HPSE2: variants seen among roughly 807,000 people sequenced by gnomAD.
HPSE2 encodes the protein inactive heparanase-2.
HPSE2 carries 38 observed loss-of-function variants against 60.5 expected under a neutral mutation model. That is an observed-to-expected ratio of 0.63 (90% CI 0.48 to 0.82). The LOEUF (loss-of-function observed/expected upper bound fraction) is 0.82. Ranked by LOEUF, HPSE2 falls within the 40% of genes least tolerant of loss-of-function variation. The probability of loss-of-function intolerance (pLI) is 0.00; values close to 1 mark genes in which losing one functional copy is unlikely to be tolerated. For missense variants in HPSE2, 713 were observed against 740.4 expected, an observed-to-expected ratio of 0.96 and a Z score of 0.43; for synonymous variants, 295 against 293.2, an observed-to-expected ratio of 1.01 and a Z score of -0.06.
intron 5 of HPSE2, among the ~76,000 whole-genome samples, chr10:98,697,488 C>T (rs113571785): frequency 0.073 from 11,146 of 152,214 alleles, 566 homozygotes; most frequent in South Asian, 0.19. Context: ...AACAAACCCT[C>T]TGGGAAATAT....
chr10:99,243,624 A>G, the HPSE2 span, among the ~76,000 whole-genome samples: 3 of 152,210 alleles, frequency 2.0e-5, no homozygotes, highest in Non-Finnish European at 4.4e-5. Flanking sequence ...TGAGAAAGCA[A>G]TGTATATAAA....
chr10:98,844,119 T>C (rs763545549), intron 3 of HPSE2, among the ~76,000 whole-genome samples: 23 of 152,190 alleles, frequency 1.5e-4, no homozygotes, highest in Non-Finnish European at 2.6e-4. Context: ...ACTTACCCTC[T>C]CTGGGCCTAA....
rs111648577 is a variant in HPSE2 at position 98,590,711 on chromosome 10, A to G, written c.1320+24193T>C. On this transcript the variant is annotated intron_variant, in intron 9 of 11. Transcript: ENST00000370552. ...CAACTTCCAATAGCTTTCCCACACC[A>G]GGAAAATGAAATTTATGATAAAGTA... Among the ~76,000 whole-genome samples, 757 of 152,258 alleles carry G rather than the reference A, an allele frequency of 5.0e-3. 4 individuals carry two copies. The highest frequency in any genetic ancestry group is 0.017 in the African/African-American group (725 of 41,536).
intron 3 of HPSE2, among the ~76,000 whole-genome samples, chr10:98,944,067 T>A: frequency 6.6e-6 from 1 of 152,050 alleles, no homozygotes; most frequent in East Asian, 1.9e-4. Flanking sequence ...AGGACCAAAA[T>A]CCCAGAGAGG....
At chr10:98,857,289 G>T (rs1952341592) in intron 3 of HPSE2, among the ~76,000 whole-genome samples, 1 of 152,132 alleles carries the variant, frequency 6.6e-6, no homozygotes, top group African/African-American at 2.4e-5. Flanking sequence ...ATAGACAGGA[G>T]TTCTTATCTG....
chr10:99,149,263 A>G (rs1229318367), intron 2 of HPSE2, among the ~76,000 whole-genome samples: 1 of 152,182 alleles, frequency 6.6e-6, no homozygotes, highest in African/African-American at 2.4e-5. Flanking sequence ...TGAAGGAGTA[A>G]GTTTCCCATC....
intron 3 of HPSE2, among the ~76,000 whole-genome samples, chr10:98,852,158 TG>T (rs1952196156): frequency 7.7e-6 from 1 of 130,032 alleles, no homozygotes; most frequent in Non-Finnish European, 1.6e-5. Context: ...TGTGTGTGTG[TG>T]TGTGTGTATA....
chr10:99,170,499 CA>C lies in HPSE2; in HGVS notation c.449-26101del, dbSNP rs201372095. Among the ~76,000 whole-genome samples, 17 of 152,274 alleles carry C rather than the reference CA, an allele frequency of 1.1e-4. No individual in the cohort carries two copies. The East Asian group carries it at 3.3e-3, about 29-fold the overall frequency. ...AGGCTGAACCCAGCAGCAGCCACAA[CA>C]AATCAGCATAAATCATTCATATGCT... On this transcript the variant is annotated intron_variant, in intron 2 of 11. Coordinates refer to ENST00000370552, the MANE Select transcript of HPSE2 (RefSeq NM_021828.5).
chr10:99,045,099 A>C (rs1350692292), intron 3 of HPSE2, among the ~76,000 whole-genome samples: 1 of 152,176 alleles, frequency 6.6e-6, no homozygotes, highest in Non-Finnish European at 1.5e-5. Context: ...TTCTAAGATG[A>C]ACCACATGCA....
rs1439584017 is a variant in HPSE2 at position 98,745,902 on chromosome 10, G to C, written c.611-1846C>G. Among the ~76,000 whole-genome samples the C allele has an allele frequency of 2.6e-5, 4 of 152,196 alleles. No homozygotes were observed. In the East Asian group the frequency reaches 7.7e-4, roughly 29 times the overall value. On this transcript the variant is annotated intron_variant, in intron 3 of 11. Coordinates refer to ENST00000370552, the MANE Select transcript of HPSE2 (RefSeq NM_021828.5). ...GCAGAGTGTCCAAGTTACCCCATTAGCAATTTTGTTATAGATCTTTTAGTC... is the reference window on the plus strand; with the variant it reads ...GCAGAGTGTCCAAGTTACCCCATTACCAATTTTGTTATAGATCTTTTAGTC...
At chr10:98,596,359 G>T (rs1364305118) in intron 9 of HPSE2, among the ~76,000 whole-genome samples, 1 of 151,822 alleles carries the variant, frequency 6.6e-6, no homozygotes, top group African/African-American at 2.4e-5. Context: ...TCATTTTAAA[G>T]ATATAAATGG....
intron 7 of HPSE2, among the ~76,000 whole-genome samples, chr10:98,627,983 A>G (rs1409228870): frequency 6.6e-6 from 1 of 152,244 alleles, no homozygotes; most frequent in Non-Finnish European, 1.5e-5. Context: ...CATTCTCAGC[A>G]CAGGGGTAAT....
At chr10:98,467,743 C>A (rs1178314391) in intron 11 of HPSE2, among the ~76,000 whole-genome samples, 1 of 152,266 alleles carries the variant, frequency 6.6e-6, no homozygotes, top group African/African-American at 2.4e-5. Flanking sequence ...GGGAGATGTG[C>A]CCTGCGCTTG....
At chr10:98,751,086 G>C (rs575926447) in intron 3 of HPSE2, among the ~76,000 whole-genome samples, 1 of 151,998 alleles carries the variant, frequency 6.6e-6, no homozygotes, top group South Asian at 2.1e-4. Flanking sequence ...CCTTGATTCC[G>C]TATTCAGAAT....
chr10:98,469,986 G>C (rs1252904871), intron 11 of HPSE2, among the ~76,000 whole-genome samples: 3 of 152,218 alleles, frequency 2.0e-5, no homozygotes, highest in Non-Finnish European at 4.4e-5. Context: ...AGCCTCTGTG[G>C]AGAGGGACCA....
chr10:98,850,736 C>CAA (rs11345838), intron 3 of HPSE2, among the ~76,000 whole-genome samples: 21 of 71,860 alleles, frequency 2.9e-4, no homozygotes, highest in Admixed American at 4.7e-4. Context: ...GACTCCATCT[C>CAA]AAAAAAAAAA....
At chr10:98,574,192 T>G (rs1469176566) in intron 9 of HPSE2, among the ~76,000 whole-genome samples, 1 of 152,148 alleles carries the variant, frequency 6.6e-6, no homozygotes, top group Non-Finnish European at 1.5e-5. Context: ...CTATATTTCT[T>G]AAAGACAGCA....
intron 3 of HPSE2, among the ~76,000 whole-genome samples, chr10:98,888,338 G>T (rs1190472461): frequency 6.6e-6 from 1 of 151,664 alleles, no homozygotes; most frequent in Non-Finnish European, 1.5e-5. Flanking sequence ...TCACTATAAA[G>T]AAATCATCTT....
chr10:99,141,123 G>A (rs1379488256), intron 3 of HPSE2, among the ~76,000 whole-genome samples: 1 of 152,138 alleles, frequency 6.6e-6, no homozygotes, highest in Non-Finnish European at 1.5e-5. Flanking sequence ...GTTGTATTAA[G>A]AATCATGAGA....
Sources: gnomAD v4.1 joint callset for allele counts (sites outside exome capture counted in the v4.1 genomes callset) on GRCh38, gnomAD v4.1.1 for gene constraint, MANE v1.5 for transcripts, NCBI Gene and HGNC (gene_info 2026-07-23, HGNC 2026-07-21) for gene names.